The following KCNN2 variants were observed in gnomAD, a reference collection of about 807,000 sequenced individuals.
KCNN2 encodes the protein small conductance calcium-activated potassium channel protein 2.
A neutral mutation model predicts 55.5 loss-of-function variants in KCNN2; 24 were observed. The ratio of observed to expected loss-of-function variants is 0.43; its 90% CI spans 0.31 to 0.61. KCNN2 has a LOEUF of 0.61. Among genes scored for constraint, KCNN2 ranks in the 20% least tolerant of loss-of-function variants. The pLI, the probability that KCNN2 is intolerant of heterozygous loss-of-function variation, is 0.08. For missense variants in KCNN2, 754 were observed against 853.6 expected, an observed-to-expected ratio of 0.88 and a Z score of 1.45; for synonymous variants, 431 against 336.1, an observed-to-expected ratio of 1.28 and a Z score of -3.09.
chr5:114,445,082 GTA>G (rs1760352301), intron 3 of KCNN2, among the ~76,000 whole-genome samples: 1 of 152,118 alleles, frequency 6.6e-6, no homozygotes, highest in African/African-American at 2.4e-5. Flanking sequence ...GTGCTTGCAT[GTA>G]TATGTGTGTG....
In KCNN2 at chr5:114,397,187, C is replaced by A. The variant is rs1436667651; in HGVS notation, c.1219-7251C>A. ...TGAATACTGCTGCAGTGAACATACGCGTACGTGTATCTTTATGGCGAAATG... is the reference window on the plus strand; with the variant it reads ...TGAATACTGCTGCAGTGAACATACGAGTACGTGTATCTTTATGGCGAAATG... On this transcript the variant is annotated intron_variant, in intron 2 of 7. Transcript: ENST00000673685. Among the ~76,000 whole-genome samples, 3 of 152,062 alleles carry A rather than the reference C, an allele frequency of 2.0e-5. No individual in the cohort carries two copies. The South Asian group carries it at 6.2e-4, about 32-fold the overall frequency.
intron 3 of KCNN2, among the ~76,000 whole-genome samples, chr5:114,434,659 TC>T (rs1377349699): frequency 1.3e-5 from 2 of 152,208 alleles, no homozygotes; most frequent in African/African-American, 4.8e-5. Context: ...AAGGAGCCAT[TC>T]TGTAGTCCGG....
At chr5:114,257,149 G>A (rs1157226477) in intron 2 of KCNN2, among the ~76,000 whole-genome samples, 1 of 151,962 alleles carries the variant, frequency 6.6e-6, no homozygotes, top group East Asian at 1.9e-4. Context: ...TATCAACTTT[G>A]TCAAAGATCA....
At chr5:114,170,152 T>G (rs966216486) in intron 1 of KCNN2, among the ~76,000 whole-genome samples, 2 of 152,148 alleles carry the variant, frequency 1.3e-5, no homozygotes, top group African/African-American at 4.8e-5. Flanking sequence ...TACTTAATAA[T>G]TGTCAAAAAT....
At chr5:114,490,365 G>A (rs1041799046) in intron 6 of KCNN2, among the ~76,000 whole-genome samples, 7 of 152,050 alleles carry the variant, frequency 4.6e-5, no homozygotes, top group African/African-American at 1.7e-4. Context: ...TTCATATTAG[G>A]CAAAAATATT....
At chr5:114,469,349 T>C (rs1761607815) in intron 4 of KCNN2, among the ~76,000 whole-genome samples, 2 of 152,216 alleles carry the variant, frequency 1.3e-5, no homozygotes, top group South Asian at 4.1e-4. Context: ...AACCTTTGCT[T>C]TTAATATATT....
chr5:114,188,095 G>A (rs1753377123), intron 1 of KCNN2, among the ~76,000 whole-genome samples: 1 of 152,204 alleles, frequency 6.6e-6, no homozygotes, highest in Non-Finnish European at 1.5e-5. Flanking sequence ...TTACAGGCGT[G>A]AGCCACTGAG....
intron 1 of KCNN2, among the ~76,000 whole-genome samples, chr5:114,170,857 A>C (rs1256158766): frequency 1.3e-5 from 2 of 152,008 alleles, no homozygotes; most frequent in African/African-American, 4.8e-5. Context: ...CCTGGACTAC[A>C]TCATTGTTCC....
intron 2 of KCNN2, among the ~76,000 whole-genome samples, chr5:114,384,336 G>T (rs1027863822): frequency 2.0e-5 from 3 of 152,162 alleles, no homozygotes; most frequent in Non-Finnish European, 4.4e-5. Context: ...ATAATTAGTT[G>T]TTCCATGAAA....
In KCNN2 at chr5:114,404,531, A is replaced by G. The variant is rs762408669; in HGVS notation, c.1312A>G (p.Ile438Val). ...CTGCTTGGAAATACTGGTGTGTGCTATTCATCCCATACCTGGGAATTATAC... is the reference window on the plus strand; with the variant it reads ...CTGCTTGGAAATACTGGTGTGTGCTGTTCATCCCATACCTGGGAATTATAC... ...FICLEILVCA[I>V]HPIPGNYTFT... The change falls in exon 3 of 8, where the codon ATT (isoleucine) becomes GTT (valine). Residue 438 changes from isoleucine to valine, a missense_variant. By Grantham distance (29) the Ile-to-Val change is conservative (BLOSUM62 3). Coordinates refer to ENST00000673685, the MANE Select transcript of KCNN2 (RefSeq NM_021614.4). 27 of 1,613,424 alleles carry G rather than the reference A, an allele frequency of 1.7e-5. No homozygotes were observed. The highest frequency in any genetic ancestry group is 5.3e-5 in the African/African-American group (4 of 74,906).
In KCNN2 at chr5:114,115,620, T is replaced by A. The variant is rs114870939; in HGVS notation, c.-271+59120T>A. On this transcript the variant is annotated intron_variant, in intron 1 of 10. Coordinates refer to the KCNN2 transcript ENST00000512097. ...CCAAAGATTTGACACTTTGTTTGAATCCTGGTAAGCTCTCTGCACTTGAGA... is the reference window on the plus strand; with the variant it reads ...CCAAAGATTTGACACTTTGTTTGAAACCTGGTAAGCTCTCTGCACTTGAGA... 2.5e-3 allele frequency among the ~76,000 whole-genome samples: 382 copies of A among 152,116 alleles called. 6 individuals are homozygous for A. The highest frequency in any genetic ancestry group is 8.8e-3 in the African/African-American group (366 of 41,508).
intron 2 of KCNN2, among the ~76,000 whole-genome samples, chr5:114,271,139 C>T (rs1009209807): frequency 1.4e-4 from 22 of 152,110 alleles, no homozygotes; most frequent in African/African-American, 4.8e-4. Context: ...GCTGATTGGT[C>T]CGTTTTACAG....
intron 2 of KCNN2, among the ~76,000 whole-genome samples, chr5:114,292,298 T>G (rs1755907552): frequency 6.6e-6 from 1 of 152,216 alleles, no homozygotes; most frequent in African/African-American, 2.4e-5. Flanking sequence ...TTGCCTAGGT[T>G]TTCTTCTAGG....
chr5:114,186,545 C>A (rs111713093), intron 1 of KCNN2, among the ~76,000 whole-genome samples: 1 of 152,090 alleles, frequency 6.6e-6, no homozygotes, highest in Non-Finnish European at 1.5e-5. Context: ...ATGAAATAAT[C>A]CCAAATACAA....
At chr5:114,471,258 A>AAAT (rs1284213871) in intron 4 of KCNN2, among the ~76,000 whole-genome samples, 1 of 152,158 alleles carries the variant, frequency 6.6e-6, no homozygotes, top group Non-Finnish European at 1.5e-5. Flanking sequence ...GTCCTTTATA[A>AAAT]AATAGTGTAT....
chr5:114,415,355 C>G (rs1055820979), intron 3 of KCNN2, among the ~76,000 whole-genome samples: 2 of 152,142 alleles, frequency 1.3e-5, no homozygotes, highest in Non-Finnish European at 2.9e-5. Flanking sequence ...TTTTACAAAC[C>G]CACCAGCAAT....
chr5:114,101,591 C>CA (rs1291475614), intron 1 of KCNN2, among the ~76,000 whole-genome samples: 1 of 151,816 alleles, frequency 6.6e-6, no homozygotes, highest in East Asian at 1.9e-4. Context: ...CCCTTACCCC[C>CA]ACCCCCTAAC....
At chr5:114,375,437 A>T (rs1440768550) in intron 2 of KCNN2, among the ~76,000 whole-genome samples, 1 of 152,162 alleles carries the variant, frequency 6.6e-6, no homozygotes, top group African/African-American at 2.4e-5. Context: ...TTAGCTATGA[A>T]GTTTTAAGAC....
At chr5:114,400,187 T>C (rs770052430) in intron 2 of KCNN2, among the ~76,000 whole-genome samples, 165 of 152,170 alleles carry the variant, frequency 1.1e-3, no homozygotes, top group Non-Finnish European at 2.2e-3. Context: ...GTTTCTGTAG[T>C]TTCCCTAGGT....
Sources: allele counts gnomAD v4.1 joint callset (sites outside exome capture counted in the v4.1 genomes callset), GRCh38; gene constraint gnomAD v4.1.1; transcripts MANE v1.5; gene names NCBI Gene and HGNC (gene_info 2026-07-23, HGNC 2026-07-21).